ARHGAP32: variants seen among roughly 807,000 people sequenced by gnomAD.
ARHGAP32 encodes the protein Rho GTPase activating protein 32.
In ARHGAP32, 51 loss-of-function variants were observed where a neutral mutation model predicts 186.5. The ratio of observed to expected loss-of-function variants is 0.27; its 90% CI spans 0.22 to 0.35. ARHGAP32 has a LOEUF of 0.35. Ranked by LOEUF, ARHGAP32 falls within the 10% of genes least tolerant of loss-of-function variation. The probability of loss-of-function intolerance (pLI) is 1.00; values close to 1 mark genes in which losing one functional copy is unlikely to be tolerated. For synonymous variants in ARHGAP32, 950 were observed against 964.3 expected (o/e 0.99, Z 0.27); for missense variants, 2,186 against 2,623.5 (o/e 0.83, Z 3.64).
rs768182902 is a variant in ARHGAP32 at position 128,970,907 on chromosome 11, T to G, written c.4306A>C (p.Lys1436Gln). 3 of 1,614,202 alleles carry G rather than the reference T, an allele frequency of 1.9e-6. No individual in the cohort carries two copies. Among genetic ancestry groups the G allele is most frequent in the Non-Finnish European group, 2.5e-6 (3 of 1,180,024 alleles). The change falls in exon 23 of 23, where the codon AAG becomes CAG. Residue 1436 changes from lysine to glutamine, a missense_variant. Coordinates refer to ENST00000682385, the MANE Select transcript of ARHGAP32 (RefSeq NM_001378024.1). This position sits in a 1 kb window ranked among gnomAD's most constrained non-coding sequence, Gnocchi z 5.8. ...PLPPTRMMES[K>Q]MIAAIHSSSA... ...CTGGAGTGTATGGCAGCAATCATCT[T>G]ACTCTCCATCATCCTGGTGGGGGGC...
chr11:129,201,506 A>G (rs963635086), intron 1 of ARHGAP32, among the ~76,000 whole-genome samples: 1 of 152,188 alleles, frequency 6.6e-6, no homozygotes, highest in African/African-American at 2.4e-5. Context: ...TGATATCAGT[A>G]ACCAAAAAAA....
intron 2 of ARHGAP32, 97 bp from the exon 3 acceptor site, chr11:129,124,991 T>C: frequency 1.3e-6 from 1 of 742,344 alleles, no homozygotes; most frequent in Non-Finnish European, 2.1e-6. Context: ...CTGCTGACTT[T>C]TTACCTACAA....
At chr11:129,171,129 C>T (rs1371292629) in intron 1 of ARHGAP32, among the ~76,000 whole-genome samples, 1 of 152,208 alleles carries the variant, frequency 6.6e-6, no homozygotes, top group Non-Finnish European at 1.5e-5. Flanking sequence ...TGCCTGTTCA[C>T]TCTGATGATA....
intron 6 of ARHGAP32, 148 bp downstream of exon 6, chr11:129,093,473 A>T: frequency 1.6e-6 from 1 of 643,174 alleles, no homozygotes; most frequent in Non-Finnish European, 2.7e-6. Flanking sequence ...TACAATAGTC[A>T]TTATTGCACA....
At chr11:129,156,092 C>T (rs1237051516) in intron 2 of ARHGAP32, among the ~76,000 whole-genome samples, 1 of 152,242 alleles carries the variant, frequency 6.6e-6, no homozygotes, top group Non-Finnish European at 1.5e-5. Flanking sequence ...GTCTTCACAA[C>T]CTGCAGACCA....
chr11:129,271,710 T>G (rs570774417), intron 1 of ARHGAP32, among the ~76,000 whole-genome samples: 1 of 152,136 alleles, frequency 6.6e-6, no homozygotes, highest in East Asian at 1.9e-4. Context: ...AAAGTAGAGA[T>G]AAACTGGCAA....
chr11:129,200,445 A>G (rs551906864), intron 1 of ARHGAP32, among the ~76,000 whole-genome samples: 134 of 152,320 alleles, frequency 8.8e-4, no homozygotes, highest in African/African-American at 3.2e-3. Context: ...AGTAAGTCTC[A>G]AAAGATCTGA....
intron 2 of ARHGAP32, among the ~76,000 whole-genome samples, chr11:129,164,050 C>T (rs543753664): frequency 1.3e-5 from 2 of 152,106 alleles, no homozygotes; most frequent in Non-Finnish European, 2.9e-5. Flanking sequence ...GATCAAACCT[C>T]ATCTTCCCAC....
chr11:129,181,180 T>C (rs1010279174), intron 1 of ARHGAP32, among the ~76,000 whole-genome samples: 12 of 152,144 alleles, frequency 7.9e-5, no homozygotes, highest in Non-Finnish European at 1.6e-4. Flanking sequence ...TTCGCCAAAT[T>C]TGGTTCTGGC....
At chr11:129,178,033 C>T (rs1262647718) in intron 1 of ARHGAP32, among the ~76,000 whole-genome samples, 2 of 150,266 alleles carry the variant, frequency 1.3e-5, no homozygotes, top group Non-Finnish European at 3.0e-5. Context: ...GATTGTATAT[C>T]TAGAAAACCC....
intron 6 of ARHGAP32, among the ~76,000 whole-genome samples, chr11:129,076,808 C>T (rs1038904188): frequency 6.6e-6 from 1 of 152,306 alleles, no homozygotes; most frequent in Non-Finnish European, 1.5e-5. Flanking sequence ...TGGAGGCTCA[C>T]ATCATGAACT....
At position 128,973,060 on chromosome 11, in the gene ARHGAP32, G is replaced by A. The variant is rs768318820; in HGVS notation, c.3446C>T (p.Thr1149Ile). 1.2e-6 allele frequency: 2 copies of A among 1,614,142 alleles called. No individual in the cohort carries two copies. Among genetic ancestry groups the A allele is most frequent in the Admixed American group, 1.7e-5 (1 of 60,020 alleles). Residue 1149 changes from threonine to isoleucine, a missense_variant, in exon 22 of 23, where the codon ACA becomes ATA. By Grantham distance (89) the Thr-to-Ile change is moderately conservative. Around this residue, in one of 5 missense-constraint regions of ARHGAP32, gnomAD observed 1,502 missense variants for 1,570.0 expected, o/e 0.96. Transcript: ENST00000682385. ...GTGATGTTGCTCCCCAGATTCAGTT[G>A]TGTTGGAATGGGTAGGATCCCCAGT... ...TATGDPTHSN[T>I]TESGEQHHQV...
chr11:129,051,980 A>C (rs12789535), intron 10 of ARHGAP32, among the ~76,000 whole-genome samples: 166 of 134,270 alleles, frequency 1.2e-3, no homozygotes, highest in African/African-American at 4.4e-3. Flanking sequence ...AAAAAAAAAA[A>C]GAGACATCTT....
At chr11:128,975,719 A>G (rs1945524261) in intron 20 of ARHGAP32, among the ~76,000 whole-genome samples, 2 of 152,160 alleles carry the variant, frequency 1.3e-5, no homozygotes. Flanking sequence ...CCATAGTTAA[A>G]AAGTAATTTA....
chr11:129,273,983 T>C (rs1398057922), intron 1 of ARHGAP32, among the ~76,000 whole-genome samples: 1 of 142,954 alleles, frequency 7.0e-6, no homozygotes, highest in Non-Finnish European at 1.5e-5. Flanking sequence ...ATCCAGGATA[T>C]AAAATAAAAT....
intron 1 of ARHGAP32, among the ~76,000 whole-genome samples, chr11:129,211,982 T>C (rs1277650586): frequency 6.6e-6 from 1 of 151,832 alleles, no homozygotes; most frequent in Non-Finnish European, 1.5e-5. Context: ...TAGTGAGACT[T>C]GGTCTCCACA....
At chr11:129,054,338 T>C (rs978745180) in intron 10 of ARHGAP32, among the ~76,000 whole-genome samples, 1 of 152,206 alleles carries the variant, frequency 6.6e-6, no homozygotes, top group African/African-American at 2.4e-5. Context: ...TTGCTCCCTT[T>C]ACCTGCACAC....
At chr11:129,097,766 C>A (rs1941777603) in intron 5 of ARHGAP32, among the ~76,000 whole-genome samples, 2 of 151,992 alleles carry the variant, frequency 1.3e-5, no homozygotes, top group South Asian at 4.2e-4. Flanking sequence ...AAGATAATGG[C>A]CCCAAACTTC....
chr11:129,187,258 C>T (rs1054582979), intron 1 of ARHGAP32, among the ~76,000 whole-genome samples: 1 of 152,012 alleles, frequency 6.6e-6, no homozygotes, highest in African/African-American at 2.4e-5. Context: ...TGAAATAAGC[C>T]AGGCACGGAA....
Sources: gnomAD v4.1 joint callset for allele counts (sites outside exome capture counted in the v4.1 genomes callset) on GRCh38, gnomAD v4.1.1 for gene constraint, gnomAD v4.1.1 regional missense constraint, Gnocchi (gnomAD v3.1) non-coding constraint, MANE v1.5 for transcripts, NCBI Gene and HGNC (gene_info 2026-07-23, HGNC 2026-07-21) for gene names.